Variants in POLK observed in about 807,000 individuals in gnomAD.
The protein encoded by POLK is DNA polymerase kappa.
A neutral mutation model predicts 94.0 loss-of-function variants in POLK; 76 were observed. That is an observed-to-expected ratio of 0.81 (90% CI 0.67 to 0.98). The LOEUF (loss-of-function observed/expected upper bound fraction) is 0.98. Ranked by LOEUF, POLK falls within the 50% of genes least tolerant of loss-of-function variation. The probability of loss-of-function intolerance (pLI) is 0.00; values close to 1 mark genes in which losing one functional copy is unlikely to be tolerated. For missense variants in POLK, 954 were observed against 1,010.1 expected, an observed-to-expected ratio of 0.94 and a Z score of 0.75; for synonymous variants, 349 against 325.4, an observed-to-expected ratio of 1.07 and a Z score of -0.78.
At chr5:75,529,643 A>C (rs190645390) in intron 1 of POLK, among the ~76,000 whole-genome samples, 4 of 152,150 alleles carry the variant, frequency 2.6e-5, no homozygotes, top group African/African-American at 9.7e-5. Context: ...CAGATTTTTT[A>C]AAAAAATTTT....
At chr5:75,568,889 A>G (rs1281393074) in intron 3 of POLK, 1 of 219,456 alleles carries the variant, frequency 4.6e-6, no homozygotes, top group African/African-American at 2.4e-5. Context: ...TGAAGCTTTT[A>G]GTTATAGTGA....
At chr5:75,564,769 G>A (rs922407272) in intron 3 of POLK, among the ~76,000 whole-genome samples, 2 of 152,156 alleles carry the variant, frequency 1.3e-5, no homozygotes, top group Non-Finnish European at 2.9e-5. Context: ...TATTCTGATG[G>A]ACTTCCCTTT....
chr5:75,548,303 ATAAT>A (rs2112641198), intron 2 of POLK, among the ~76,000 whole-genome samples: 1 of 152,120 alleles, frequency 6.6e-6, no homozygotes, highest in East Asian at 1.9e-4. Context: ...TGCACATTCA[ATAAT>A]TAGTTATCTT....
At chr5:75,550,131 G>A (rs1770261547) in intron 2 of POLK, among the ~76,000 whole-genome samples, 1 of 152,092 alleles carries the variant, frequency 6.6e-6, no homozygotes, top group African/African-American at 2.4e-5. Flanking sequence ...ACTCCTATGA[G>A]GCCAGTATCA....
rs576376492 is a variant in POLK, at chr5:75,563,898, T to A, written c.256-5442T>A. ...GATTTGGGGTGGAAAGTTCTGTAGATGTCTATTAGGTCTGCTTGGTCCAGA... is the reference window on the plus strand; with the variant it reads ...GATTTGGGGTGGAAAGTTCTGTAGAAGTCTATTAGGTCTGCTTGGTCCAGA... On this transcript the variant is annotated intron_variant, in intron 3 of 14. Coordinates refer to ENST00000241436, the Ensembl canonical transcript of POLK. Among the ~76,000 whole-genome samples, 9 of 152,342 alleles carry A rather than the reference T, an allele frequency of 5.9e-5. No individual in the cohort carries two copies. In the East Asian group the frequency reaches 1.5e-3, roughly 26 times the overall value.
At chr5:75,541,143 C>T (rs1449653496) in intron 1 of POLK, among the ~76,000 whole-genome samples, 2 of 151,868 alleles carry the variant, frequency 1.3e-5, no homozygotes, top group East Asian at 1.9e-4. Flanking sequence ...ATTAGCCAGG[C>T]GTGGTGGTGC....
intron 5 of POLK, among the ~76,000 whole-genome samples, chr5:75,576,460 T>C (rs1771877785): frequency 6.6e-6 from 1 of 152,174 alleles, no homozygotes; most frequent in Non-Finnish European, 1.5e-5. Flanking sequence ...AACCATTTTT[T>C]TGTATGGGCC....
intron 4 of POLK, among the ~76,000 whole-genome samples, chr5:75,569,779 C>G (rs2112762825): frequency 1.3e-5 from 2 of 152,318 alleles, no homozygotes; most frequent in Middle Eastern, 6.8e-3. Context: ...TTTACAACCA[C>G]TTCCCATCAC....
At chr5:75,567,266 T>G (rs1037727126) in intron 3 of POLK, among the ~76,000 whole-genome samples, 1 of 152,230 alleles carries the variant, frequency 6.6e-6, no homozygotes, top group Non-Finnish European at 1.5e-5. Context: ...CACTTTCTTA[T>G]TCTCATTTGA....
chr5:75,597,034 G>A lies in POLK; in HGVS notation c.2341G>A (p.Val781Ile), dbSNP rs760270595. Residue 781 changes from valine to isoleucine, a missense_variant, in exon 13 of 15, where the codon GTT (valine) becomes ATT (isoleucine). Val to Ile is a conservative substitution (Grantham distance 29). Coordinates refer to ENST00000241436, the Ensembl canonical transcript of POLK. Reference sequence around the variant, plus strand: ...AACAGGCCAAGCTCTAGTTTGTCCTGTTTGTAACGTAGAACAAAAGACTTC... The same window carrying A: ...AACAGGCCAAGCTCTAGTTTGTCCTATTTGTAACGTAGAACAAAAGACTTC... The A allele has an allele frequency of 1.9e-6, 3 of 1,613,788 alleles. No homozygotes were observed. The Admixed American group carries it at 5.0e-5, about 27-fold the overall frequency.
At chr5:75,517,696 G>A (rs1345951187) in intron 1 of POLK, among the ~76,000 whole-genome samples, 3 of 152,160 alleles carry the variant, frequency 2.0e-5, no homozygotes, top group African/African-American at 7.2e-5. Flanking sequence ...TGGTGAAGGT[G>A]GGCATCCTTG....
intron 1 of POLK, among the ~76,000 whole-genome samples, chr5:75,535,641 T>G (rs1349241524): frequency 6.6e-6 from 1 of 152,224 alleles, no homozygotes; most frequent in Non-Finnish European, 1.5e-5. Flanking sequence ...GAGGTTTTGT[T>G]CAGTCTTCTT....
chr5:75,596,422 T>C, exon 13 of POLK: 1 of 1,613,816 alleles, frequency 6.2e-7, no homozygotes, highest in Non-Finnish European at 8.5e-7. Flanking sequence ...AGAAAGGAAA[T>C]GGAGTCACCA....
At chr5:75,543,010 CTTATTTATTTATTTATTTAT>C (rs61605357) in intron 1 of POLK, among the ~76,000 whole-genome samples, 8 of 130,384 alleles carry the variant, frequency 6.1e-5, no homozygotes, top group South Asian at 2.6e-4. Flanking sequence ...CGCGCCCAGC[CTTATTTATTTATTTATTTAT>C]TTATTTATTT....
chr5:75,511,271 C>A (rs774070032), upstream of POLK: 5 of 1,590,110 alleles, frequency 3.1e-6, no homozygotes, highest in South Asian at 5.6e-5. Flanking sequence ...AGGAGGCGCC[C>A]AGTCCTCGGG....
At chr5:75,594,234 T>C (rs1391141513) in intron 12 of POLK, among the ~76,000 whole-genome samples, 185 bp downstream of exon 12, 1 of 152,240 alleles carries the variant, frequency 6.6e-6, no homozygotes, top group East Asian at 1.9e-4. Flanking sequence ...TACATCCCGA[T>C]AAACCCATCA....
chr5:75,547,045 G>C lies in POLK; in HGVS notation c.23G>C (p.Cys8Ser), dbSNP rs780185764. 4.5e-5 allele frequency: 69 copies of C among 1,530,662 alleles called. 2 individuals are homozygous for C. The South Asian group carries it at 8.3e-4, about 18-fold the overall frequency. The allele number at this position is 1,530,662 out of a possible 1,614,324, so 94.8% of individuals were successfully genotyped here. A position where few individuals can be genotyped will look rare whatever the true frequency, so the allele number is the denominator to read the frequency against. Residue 8 changes from cysteine (C) to serine (S), a missense_variant, in exon 2 of 15, where the codon TGT becomes TCT. Coordinates refer to ENST00000241436, the Ensembl canonical transcript of POLK. ...ACCATGGATAGCACAAAGGAGAAGT[G>C]TGACAGTTACAAAGATGATCTTCTG... is the stretch of plus-strand genomic sequence containing the variant.
chr5:75,552,453 G>A lies in POLK; in HGVS notation c.136-19G>A, dbSNP rs1303258029. 7 of 1,603,474 alleles carry A rather than the reference G, an allele frequency of 4.4e-6. No individual in the cohort carries two copies. Among genetic ancestry groups the A allele is most frequent in the Non-Finnish European group, 6.0e-6 (7 of 1,176,316 alleles). ...CCTTCAGACATTTTTCTTATGCTTT[G>A]TTTTGTTTTCCTCCATAGGGGTCCA... On this transcript the variant is annotated intron_variant, in intron 2 of 14. Transcript: ENST00000241436.
At chr5:75,549,166 A>G (rs188820542) in intron 2 of POLK, among the ~76,000 whole-genome samples, 1 of 152,262 alleles carries the variant, frequency 6.6e-6, no homozygotes, top group Non-Finnish European at 1.5e-5. Flanking sequence ...CATCATAAAA[A>G]TGTTCAAAAA....
Sources: gnomAD v4.1 joint callset for allele counts (sites outside exome capture counted in the v4.1 genomes callset) on GRCh38, gnomAD v4.1.1 for gene constraint, MANE v1.5 for transcripts, NCBI Gene and HGNC (gene_info 2026-07-23, HGNC 2026-07-21) for gene names.